Variants in NDRG3 observed in about 807,000 individuals in gnomAD.
NDRG3 encodes NDRG family member 3.
Under a neutral mutation model 57.2 loss-of-function variants are expected in NDRG3, and 23 were observed. That is an observed-to-expected ratio of 0.40 (90% CI 0.29 to 0.57). The LOEUF (loss-of-function observed/expected upper bound fraction) is 0.57. Ranked by LOEUF, NDRG3 falls within the 20% of genes least tolerant of loss-of-function variation. NDRG3 has a pLI of 0.42. For synonymous variants in NDRG3, 132 were observed against 162.6 expected (o/e 0.81, Z 1.43); for missense variants, 384 against 457.3 (o/e 0.84, Z 1.46).
chr20:36,736,186 CG>C (rs1985602178), intron 1 of NDRG3, among the ~76,000 whole-genome samples: 1 of 152,088 alleles, frequency 6.6e-6, no homozygotes, highest in Non-Finnish European at 1.5e-5. Flanking sequence ...ATGTTGTCCA[CG>C]TAGTTATCTT....
At chr20:36,684,904 G>T (rs1981650622) in intron 5 of NDRG3, among the ~76,000 whole-genome samples, 1 of 152,082 alleles carries the variant, frequency 6.6e-6, no homozygotes, top group Non-Finnish European at 1.5e-5. Flanking sequence ...AGGCTCAAAG[G>T]AGGTGATGTG....
At chr20:36,728,913 G>C (rs1281140256) in intron 1 of NDRG3, among the ~76,000 whole-genome samples, 1 of 152,032 alleles carries the variant, frequency 6.6e-6, no homozygotes, top group Non-Finnish European at 1.5e-5. Flanking sequence ...GTAGAGACAA[G>C]GTTTCACCAT....
At chr20:36,680,526 C>T (rs1981183998) in intron 8 of NDRG3, among the ~76,000 whole-genome samples, 1 of 150,174 alleles carries the variant, frequency 6.7e-6, no homozygotes, top group Non-Finnish European at 1.5e-5. Context: ...TCCAATTTAA[C>T]AGATAAAACT....
intron 1 of NDRG3, among the ~76,000 whole-genome samples, chr20:36,725,461 G>GGTGT (rs1448023491): frequency 6.6e-6 from 1 of 151,618 alleles, no homozygotes; most frequent in African/African-American, 2.4e-5. Context: ...AAATTAGCTG[G>GGTGT]GTGTGGTGGC....
rs868858141 is a variant in NDRG3, at chr20:36,694,773, T to A, written c.94-5989A>T. On this transcript the variant is annotated intron_variant, in intron 3 of 15. Transcript: ENST00000349004. ...TATTTATTTATTTATTTATTTATTT[T>A]TTGAGACAGGGTCTCATTCTGTCAC... Among the ~76,000 whole-genome samples, 73 of 150,702 alleles carry A rather than the reference T, an allele frequency of 4.8e-4. 1 individual carries two copies. The Middle Eastern group carries it at 0.017, about 35-fold the overall frequency.
chr20:36,715,248 T>A (rs1984201493), intron 2 of NDRG3, among the ~76,000 whole-genome samples: 1 of 151,386 alleles, frequency 6.6e-6, no homozygotes, highest in Non-Finnish European at 1.5e-5. Context: ...GGCTAAGATG[T>A]GGATCTCTTG....
At chr20:36,675,288 G>A (rs879729621) in intron 8 of NDRG3, among the ~76,000 whole-genome samples, 5 of 150,636 alleles carry the variant, frequency 3.3e-5, no homozygotes, top group Non-Finnish European at 5.9e-5. Context: ...TTGAACTCCT[G>A]ACCTCAGGTG....
intron 3 of NDRG3, among the ~76,000 whole-genome samples, chr20:36,701,053 CA>C (rs1181713079): frequency 2.0e-5 from 3 of 152,190 alleles, no homozygotes; most frequent in African/African-American, 7.2e-5. Flanking sequence ...GGAATATAGG[CA>C]TGAGCCACCA....
chr20:36,733,202 ATG>A (rs1985427629), intron 1 of NDRG3, among the ~76,000 whole-genome samples: 1 of 134,482 alleles, frequency 7.4e-6, no homozygotes, highest in African/African-American at 2.7e-5. Context: ...ATATATATAT[ATG>A]CACATATAAA....
intron 1 of NDRG3, among the ~76,000 whole-genome samples, chr20:36,726,882 A>G (rs993067751): frequency 2.0e-5 from 3 of 151,692 alleles, no homozygotes; most frequent in African/African-American, 7.3e-5. Context: ...TTTAATCCTC[A>G]TAACAATCCT....
At chr20:36,736,625 C>T (rs1028679537) in intron 1 of NDRG3, among the ~76,000 whole-genome samples, 3 of 152,080 alleles carry the variant, frequency 2.0e-5, no homozygotes, top group Admixed American at 6.6e-5. Flanking sequence ...CAAGTGTCTA[C>T]GGTAATGGAT....
chr20:36,683,228 A>G (rs920426726), intron 6 of NDRG3, among the ~76,000 whole-genome samples: 2 of 152,058 alleles, frequency 1.3e-5, no homozygotes, highest in African/African-American at 4.8e-5. Context: ...TAGGTGACAG[A>G]GTGAGACTCT....
chr20:36,680,257 C>T (rs889727762), intron 8 of NDRG3, among the ~76,000 whole-genome samples: 6 of 151,522 alleles, frequency 4.0e-5, no homozygotes, highest in East Asian at 2.0e-4. Context: ...GAGGCCGAGG[C>T]GGGTGGATCA....
intron 3 of NDRG3, among the ~76,000 whole-genome samples, chr20:36,696,743 G>A (rs377745749): frequency 4.6e-4 from 70 of 152,074 alleles, no homozygotes; most frequent in East Asian, 2.5e-3. Flanking sequence ...CGCCCACCTC[G>A]GCCTTCCAAA....
Position 36,665,112 on chromosome 20 carries a change from T to A in NDRG3, c.759-15A>T, listed in dbSNP as rs1292361358. 6.8e-6 allele frequency: 11 copies of A among 1,613,866 alleles called. No individual in the cohort carries two copies. The highest frequency in any genetic ancestry group is 9.3e-6 in the Non-Finnish European group (11 of 1,179,870). ...AAGTAGAACACCTAGGTAGGCAAAGTAAGAGGTGTCACTCAGCAAATAGGC... is the reference window on the plus strand; with the variant it reads ...AAGTAGAACACCTAGGTAGGCAAAGAAAGAGGTGTCACTCAGCAAATAGGC... On this transcript the variant is annotated splice_polypyrimidine_tract_variant and intron_variant, in intron 11 of 15. Transcript: ENST00000349004.
intron 1 of NDRG3, among the ~76,000 whole-genome samples, chr20:36,742,541 T>C (rs181685495): frequency 6.6e-6 from 1 of 152,312 alleles, no homozygotes; most frequent in East Asian, 1.9e-4. Flanking sequence ...CTTTGGTAAA[T>C]GAATTTTTAA....
intron 1 of NDRG3, among the ~76,000 whole-genome samples, chr20:36,733,868 C>G (rs758433449): frequency 6.6e-6 from 1 of 152,144 alleles, no homozygotes; most frequent in South Asian, 2.1e-4. Context: ...GTCAGCAGAG[C>G]TCCTAAGCAA....
At chr20:36,722,676 C>T (rs573036471) in intron 1 of NDRG3, among the ~76,000 whole-genome samples, 1 of 152,270 alleles carries the variant, frequency 6.6e-6, no homozygotes, top group East Asian at 1.9e-4. Context: ...CTTACTAATC[C>T]TCATTTGGGG....
At position 36,697,060 on chromosome 20, in the gene NDRG3, T is replaced by A. The variant is rs1003415936; in HGVS notation, c.94-8276A>T. Among the ~76,000 whole-genome samples the A allele has an allele frequency of 3.9e-5, 6 of 152,144 alleles. No homozygotes were observed. The South Asian group carries it at 8.3e-4, about 21-fold the overall frequency. Reference sequence around the variant, plus strand: ...TGGGGTTCTGGGTGGCCAGGGGCATTGTCCATATCAAAAGAACTTTGAAAG... The same window carrying A: ...TGGGGTTCTGGGTGGCCAGGGGCATAGTCCATATCAAAAGAACTTTGAAAG... On this transcript the variant is annotated intron_variant, in intron 3 of 15. Coordinates refer to ENST00000349004, the MANE Select transcript of NDRG3 (RefSeq NM_032013.4).
Sources: gnomAD v4.1 joint callset for allele counts (sites outside exome capture counted in the v4.1 genomes callset) on GRCh38, gnomAD v4.1.1 for gene constraint, MANE v1.5 for transcripts, NCBI Gene and HGNC (gene_info 2026-07-23, HGNC 2026-07-21) for gene names.